The following XYLT1 variants were observed in gnomAD, a reference collection of about 807,000 sequenced individuals.
XYLT1 encodes beta-D-xylosyltransferase 1.
Under a neutral mutation model 91.3 loss-of-function variants are expected in XYLT1, and 36 were observed. That is an observed-to-expected ratio of 0.39 (90% confidence interval 0.30 to 0.52). The LOEUF (loss-of-function observed/expected upper bound fraction) is 0.52. Ranked by LOEUF, XYLT1 falls within the 20% of genes least tolerant of loss-of-function variation. The pLI is 0.68. For synonymous variants in XYLT1, 588 were observed against 532.0 expected (o/e 1.11, Z -1.45); for missense variants, 1,242 against 1,284.5 (o/e 0.97, Z 0.51).
intron 2 of XYLT1, among the ~76,000 whole-genome samples, chr16:17,266,170 C>T (rs1205433186): frequency 6.6e-6 from 1 of 152,140 alleles, no homozygotes; most frequent in Non-Finnish European, 1.5e-5. Context: ...GGTCTGGACT[C>T]AGGAAGAAGT....
intron 1 of XYLT1, among the ~76,000 whole-genome samples, chr16:17,432,121 G>C (rs1328449200): frequency 6.6e-6 from 1 of 152,180 alleles, no homozygotes; most frequent in Non-Finnish European, 1.5e-5. Context: ...ACTGCTGGCA[G>C]GAATGCAGAA....
At chr16:17,252,236 A>G (rs2141749852) in intron 3 of XYLT1, among the ~76,000 whole-genome samples, 1 of 152,342 alleles carries the variant, frequency 6.6e-6, no homozygotes, top group East Asian at 1.9e-4. Flanking sequence ...ACCACGCTAT[A>G]AAGACAGAAG....
At chr16:17,260,471 T>C (rs2033706404) in intron 2 of XYLT1, among the ~76,000 whole-genome samples, 1 of 152,066 alleles carries the variant, frequency 6.6e-6, no homozygotes, top group Non-Finnish European at 1.5e-5. Context: ...ATAGCTGCCC[T>C]TGTTGCTATG....
Position 17,258,827 on chromosome 16 carries a change from T to C in XYLT1, c.913+161A>G, listed in dbSNP as rs16968646. On this transcript the variant is annotated intron_variant, in intron 3 of 11. Coordinates refer to ENST00000261381, the MANE Select transcript of XYLT1 (RefSeq NM_022166.4). The stretch of plus-strand genomic sequence containing the variant: ...TTTTTCTGATACAAGACTTCAACAC[T>C]CAGGGAGTACTAGAACACATCAGAT... 0.035 allele frequency among the ~76,000 whole-genome samples: 5,245 copies of C among 151,646 alleles called. 172 individuals are homozygous for C. Among genetic ancestry groups the C allele is most frequent in the Admixed American group, 0.12 (1,795 of 15,182 alleles).
At chr16:17,327,755 T>C (rs541964111) in intron 2 of XYLT1, among the ~76,000 whole-genome samples, 1 of 152,022 alleles carries the variant, frequency 6.6e-6, no homozygotes, top group African/African-American at 2.4e-5. Context: ...GCCATTATGC[T>C]TGGATTTCAC....
intron 2 of XYLT1, among the ~76,000 whole-genome samples, chr16:17,323,437 C>T (rs1240446182): frequency 1.3e-5 from 2 of 152,224 alleles, no homozygotes; most frequent in East Asian, 3.8e-4. Context: ...ACTCTCCCCA[C>T]TCCAGCAGCT....
intron 1 of XYLT1, among the ~76,000 whole-genome samples, chr16:17,468,605 A>C (rs944288778): frequency 2.0e-5 from 3 of 152,152 alleles, no homozygotes; most frequent in African/African-American, 7.2e-5. Context: ...AGAGTAAAAC[A>C]CTGAGCCGAG....
intron 3 of XYLT1, among the ~76,000 whole-genome samples, chr16:17,248,062 T>C (rs2033471391): frequency 6.6e-6 from 1 of 152,192 alleles, no homozygotes; most frequent in Non-Finnish European, 1.5e-5. Flanking sequence ...TCTTAAATTG[T>C]AGCTCCCATA....
intron 1 of XYLT1, among the ~76,000 whole-genome samples, chr16:17,390,216 G>A (rs569613569): frequency 1.3e-4 from 20 of 152,186 alleles, no homozygotes; most frequent in East Asian, 1.2e-3. Context: ...GCCCTGAGCC[G>A]AACCAAAAGA....
chr16:17,272,600 C>T (rs1378160044), intron 2 of XYLT1, among the ~76,000 whole-genome samples: 1 of 152,178 alleles, frequency 6.6e-6, no homozygotes, highest in African/African-American at 2.4e-5. Context: ...CTAGAGATTT[C>T]ATCTAAAACT....
intron 1 of XYLT1, among the ~76,000 whole-genome samples, chr16:17,361,305 C>G (rs2035378190): frequency 6.6e-6 from 1 of 152,196 alleles, no homozygotes; most frequent in South Asian, 2.1e-4. Flanking sequence ...CTACAGCGTG[C>G]AGCCACGCCC....
intron 2 of XYLT1, among the ~76,000 whole-genome samples, chr16:17,272,219 T>C (rs1354166142): frequency 7.2e-6 from 1 of 138,682 alleles, no homozygotes; most frequent in East Asian, 2.1e-4. Flanking sequence ...TGGAGTGCAG[T>C]GGCACGATCT....
At chr16:17,376,617 A>C (rs1173801004) in intron 1 of XYLT1, among the ~76,000 whole-genome samples, 2 of 152,184 alleles carry the variant, frequency 1.3e-5, no homozygotes, top group Admixed American at 1.3e-4. Context: ...ACTTGAGGTC[A>C]GGAGTTCAAG....
In XYLT1 at chr16:17,312,273, G is replaced by T. The variant is rs1001071582; in HGVS notation, c.402+45739C>A. 6.6e-4 allele frequency among the ~76,000 whole-genome samples: 101 copies of T among 152,262 alleles called. 1 individual carries two copies. Among genetic ancestry groups the T allele is most frequent in the African/African-American group, 2.3e-3 (96 of 41,532 alleles). On this transcript the variant is annotated intron_variant, in intron 2 of 11. Coordinates refer to ENST00000261381, the MANE Select transcript of XYLT1 (RefSeq NM_022166.4). This position sits in a 1 kb window ranked among gnomAD's most constrained non-coding sequence, Gnocchi z 4.4. ...CAGGTAGGAGGGAGATCCAGGGGAA[G>T]GGTAGGGCCTGGAGATCACAGAAGT...
chr16:17,179,683 T>A (rs963657994), intron 5 of XYLT1, among the ~76,000 whole-genome samples: 9 of 152,252 alleles, frequency 5.9e-5, no homozygotes, highest in Admixed American at 2.0e-4. Flanking sequence ...AATAAGTACT[T>A]GCCAAATGAC....
At chr16:17,373,970 TTTAG>T (rs1399275513) in intron 1 of XYLT1, among the ~76,000 whole-genome samples, 1 of 152,208 alleles carries the variant, frequency 6.6e-6, no homozygotes. Context: ...AAATTGGTGA[TTTAG>T]TTAGATTTGT....
At chr16:17,409,489 C>T (rs2036079253) in intron 1 of XYLT1, among the ~76,000 whole-genome samples, 1 of 150,124 alleles carries the variant, frequency 6.7e-6, no homozygotes, top group South Asian at 2.1e-4. Context: ...GGTGGCCACA[C>T]ATTTGAGAAA....
chr16:17,190,481 T>C (rs1464382918), intron 5 of XYLT1, among the ~76,000 whole-genome samples: 1 of 133,438 alleles, frequency 7.5e-6, no homozygotes, highest in Non-Finnish European at 1.6e-5. Flanking sequence ...TGTGTGATGT[T>C]CCCCACCCTG....
At position 17,253,749 on chromosome 16, in the gene XYLT1, C is replaced by T. The variant is rs2141751801; in HGVS notation, c.913+5239G>A. Among the ~76,000 whole-genome samples the T allele has an allele frequency of 1.3e-5, 2 of 152,036 alleles. 1 individual carries two copies. Among genetic ancestry groups the T allele is most frequent in the East Asian group, 3.9e-4 (2 of 5,150 alleles). On this transcript the variant is annotated intron_variant, in intron 3 of 11. Coordinates refer to ENST00000261381, the MANE Select transcript of XYLT1 (RefSeq NM_022166.4). ...TCCACGTGGTCTGCCTCCACCACCC[C>T]AGGCTCTTAAGCACTGACAGCATCA... is the stretch of plus-strand genomic sequence containing the variant.
Sources: gnomAD v4.1 joint callset for allele counts (sites outside exome capture counted in the v4.1 genomes callset) on GRCh38, gnomAD v4.1.1 for gene constraint, Gnocchi (gnomAD v3.1) non-coding constraint, MANE v1.5 for transcripts, NCBI Gene and HGNC (gene_info 2026-07-23, HGNC 2026-07-21) for gene names.